Variants in HEG1 observed in about 807,000 individuals in gnomAD.
HEG1 encodes protein HEG homolog 1.
In HEG1, 56 loss-of-function variants were observed where a neutral mutation model predicts 125.6. That is an observed-to-expected ratio of 0.45 (90% confidence interval 0.36 to 0.56). HEG1 has a LOEUF of 0.56. Among genes scored for constraint, HEG1 ranks in the 20% least tolerant of loss-of-function variants. HEG1 has a pLI of 0.00. For missense variants in HEG1, 1,523 were observed against 1,670.0 expected, an observed-to-expected ratio of 0.91 and a Z score of 1.53; for synonymous variants, 644 against 668.5, an observed-to-expected ratio of 0.96 and a Z score of 0.57.
At chr3:124,997,557 A>C in intron 12 of HEG1, 132 bp downstream of exon 12, 1 of 794,614 alleles carries the variant, frequency 1.3e-6, no homozygotes, top group Admixed American at 3.8e-5. Flanking sequence ...CGAGCAAAAT[A>C]ACAAGAACCA....
chr3:125,010,214 G>A (rs549297911), intron 7 of HEG1, among the ~76,000 whole-genome samples: 1 of 152,300 alleles, frequency 6.6e-6, no homozygotes, highest in East Asian at 1.9e-4. Context: ...GGTACAGTGT[G>A]GCAGGAGTGT....
Position 124,997,744 on chromosome 3 carries a change from C to T in HEG1, c.3597G>A (p.Leu1199=), listed in dbSNP as rs144984664. 45 of 1,595,488 alleles carry T rather than the reference C, an allele frequency of 2.8e-5. No individual in the cohort carries two copies. In the African/African-American group the frequency reaches 4.8e-4, roughly 17 times the overall value. ...GAAAGTATCCCGACTTGCACTGGCACAGGGCAACGCCGTCCAGGTCAGTGC... is the reference window on the plus strand; with the variant it reads ...GAAAGTATCCCGACTTGCACTGGCATAGGGCAACGCCGTCCAGGTCAGTGC... ...SICTDLDGVA[L]CQCKSGYFQF... is the part of the protein sequence containing the mutation. The change falls in exon 12 of 17, where the codon CTG becomes CTA. Residue 1199 remains leucine, a synonymous_variant. Coordinates refer to ENST00000311127, the MANE Select transcript of HEG1 (RefSeq NM_020733.2).
intron 1 of HEG1, among the ~76,000 whole-genome samples, chr3:125,030,707 G>A (rs945940322): frequency 6.6e-6 from 1 of 152,222 alleles, no homozygotes; most frequent in African/African-American, 2.4e-5. Context: ...GCACAAAGAT[G>A]AAGACAGGTC....
intron 14 of HEG1, among the ~76,000 whole-genome samples, chr3:124,987,741 C>G (rs978647039): frequency 2.7e-5 from 4 of 150,704 alleles, no homozygotes; most frequent in African/African-American, 9.7e-5. Flanking sequence ...AGGACGGTCT[C>G]AATCTCCTGA....
At chr3:125,035,917 T>C (rs1238143847) in intron 1 of HEG1, among the ~76,000 whole-genome samples, 1 of 152,070 alleles carries the variant, frequency 6.6e-6, no homozygotes, top group Non-Finnish European at 1.5e-5. Flanking sequence ...GCATTTAAAA[T>C]ACCTCTCTAA....
At chr3:125,014,095 G>A in intron 5 of HEG1, 105 bp from the exon 6 acceptor site, 1 of 1,064,042 alleles carries the variant, frequency 9.4e-7, no homozygotes, top group Non-Finnish European at 1.3e-6. Context: ...ATGAATTCAA[G>A]TGGGTGAAAC....
At chr3:125,020,579 G>A (rs774998195) in intron 4 of HEG1, among the ~76,000 whole-genome samples, 9 of 152,264 alleles carry the variant, frequency 5.9e-5, no homozygotes, top group South Asian at 4.2e-4. Flanking sequence ...AACACTCAGA[G>A]CCGTAGTTTT....
rs1306398134 is a variant in HEG1, at chr3:125,021,079, G to A, written c.965C>T (p.Ser322Leu). The change falls in exon 4 of 17, where the codon TCA becomes TTA. Residue 322 changes from serine (S) to leucine (L), a missense_variant. Coordinates refer to ENST00000311127, the MANE Select transcript of HEG1 (RefSeq NM_020733.2). Reference protein sequence around the residue: ...LNNSTGLQSSSVSQTKTMHVA... With the variant: ...LNNSTGLQSSLVSQTKTMHVA... ...ATGCATTGTCTTTGTTTGACTGACT[G>A]AGGAGCTCTGGAGGCCAGTGGAGTT... is the stretch of plus-strand genomic sequence containing the variant. 1 of 1,600,496 alleles carries A rather than the reference G, an allele frequency of 6.2e-7. No individual in the cohort carries two copies. The highest frequency in any genetic ancestry group is 8.5e-7 in the Non-Finnish European group (1 of 1,173,322).
chr3:124,995,741 G>T (rs768950506), intron 12 of HEG1, among the ~76,000 whole-genome samples: 4 of 152,234 alleles, frequency 2.6e-5, no homozygotes, highest in Non-Finnish European at 5.9e-5. Flanking sequence ...AAGCCCAAAA[G>T]TGAATCAAGG....
At position 125,029,233 on chromosome 3, in the gene HEG1, T is replaced by G; in HGVS notation, c.572A>C (p.Glu191Ala). The part of the protein sequence containing the change: ...FTILPVGYSL[E>A]IATALTSQSG... ...CTGGGAAGTCAGAGCTGTTGCTATC[T>G]CCAGTGAGTACCCAACAGGCAAAAT... Residue 191 changes from glutamate (E) to alanine (A), a missense_variant, in exon 2 of 17, where the codon GAG becomes GCG. By Grantham distance (107) the Glu-to-Ala change is moderately radical (BLOSUM62 -1). Transcript: ENST00000311127. 6.2e-7 allele frequency: 1 copy of G among 1,613,234 alleles called. No homozygotes were observed. Among genetic ancestry groups the G allele is most frequent in the Non-Finnish European group, 8.5e-7 (1 of 1,179,660 alleles).
intron 15 of HEG1, among the ~76,000 whole-genome samples, chr3:124,976,643 A>T (rs1055375305): frequency 6.6e-6 from 1 of 152,044 alleles, no homozygotes; most frequent in Non-Finnish European, 1.5e-5. Flanking sequence ...ACCCAGTCTC[A>T]TGCTGAAATT....
At chr3:125,001,781 GC>G (rs1937002985) in intron 11 of HEG1, 70 bp downstream of exon 11, 1 of 1,519,828 alleles carries the variant, frequency 6.6e-7, no homozygotes, top group East Asian at 2.4e-5. Flanking sequence ...AGCCCTGGAT[GC>G]CTTGCATTTC....
chr3:124,982,680 A>G (rs949403504), intron 14 of HEG1, among the ~76,000 whole-genome samples: 1 of 152,160 alleles, frequency 6.6e-6, no homozygotes, highest in South Asian at 2.1e-4. Context: ...TTATGTTTAT[A>G]TGCTTATTTG....
chr3:124,987,952 C>CACACACACACACACACACACATAT lies in HEG1; in HGVS notation c.3733+2834_3733+2835insATATGTGTGTGTGTGTGTGTGTGT. On this transcript the variant is annotated intron_variant, in intron 14 of 16. Coordinates refer to ENST00000311127, the MANE Select transcript of HEG1 (RefSeq NM_020733.2). ...ACACACACACACACACACACACACA[C>CACACACACACACACACACACATAT]ATATATATATATATATATATATACC... Among the ~76,000 whole-genome samples, 25 of 54,694 alleles carry CACACACACACACACACACACATAT rather than the reference C, an allele frequency of 4.6e-4. 2 individuals are homozygous for CACACACACACACACACACACATAT. Among genetic ancestry groups the CACACACACACACACACACACATAT allele is most frequent in the South Asian group, 9.7e-4 (1 of 1,026 alleles). The allele number at this position is 54,694 out of a possible 152,430, so 35.9% of individuals were successfully genotyped here. A position where few individuals can be genotyped will look rare whatever the true frequency, so the allele number is the denominator to read the frequency against.
Position 125,009,843 on chromosome 3 carries a change from A to G in HEG1, c.3074-19T>C. ...TTCACATCTGTAGAGGAGAAAAAAG[A>G]AGAACATCTTGCATCTGTAGCAAAC... is the stretch of plus-strand genomic sequence containing the variant. On this transcript the variant is annotated intron_variant, in intron 7 of 16. Coordinates refer to ENST00000311127, the MANE Select transcript of HEG1 (RefSeq NM_020733.2). The G allele has an allele frequency of 6.2e-7, 1 of 1,603,182 alleles. No individual in the cohort carries two copies. The highest frequency in any genetic ancestry group is 8.5e-7 in the Non-Finnish European group (1 of 1,173,076).
At chr3:125,027,697 A>G (rs1441334624) in intron 2 of HEG1, among the ~76,000 whole-genome samples, 190 bp from the exon 3 acceptor site, 1 of 152,214 alleles carries the variant, frequency 6.6e-6, no homozygotes, top group Non-Finnish European at 1.5e-5. Flanking sequence ...TAGATCTCAC[A>G]AAGATTCTGT....
chr3:125,025,557 T>C (rs952023830), intron 3 of HEG1, among the ~76,000 whole-genome samples: 2 of 152,062 alleles, frequency 1.3e-5, no homozygotes, highest in African/African-American at 2.4e-5. Context: ...TGTTGAAAAA[T>C]ATACGTGAAA....
chr3:125,009,183 CT>C (rs1219269700), intron 8 of HEG1, among the ~76,000 whole-genome samples: 1 of 152,188 alleles, frequency 6.6e-6, no homozygotes. Context: ...CAAAATGTAT[CT>C]GCCTATGAGC....
chr3:124,994,178 C>T (rs1936878036), intron 12 of HEG1, among the ~76,000 whole-genome samples: 1 of 152,214 alleles, frequency 6.6e-6, no homozygotes, highest in Non-Finnish European at 1.5e-5. Flanking sequence ...GACCACGTAA[C>T]CTAGATCCCT....
Sources: gnomAD v4.1 joint callset for allele counts (sites outside exome capture counted in the v4.1 genomes callset) on GRCh38, gnomAD v4.1.1 for gene constraint, MANE v1.5 for transcripts, NCBI Gene and HGNC (gene_info 2026-07-23, HGNC 2026-07-21) for gene names.